TMEM181: variants seen among roughly 807,000 people sequenced by gnomAD.
TMEM181 encodes the protein transmembrane protein 181.
A neutral mutation model predicts 71.9 loss-of-function variants in TMEM181; 39 were observed. The observed-to-expected ratio is 0.54, with a 90% CI of 0.42 to 0.71. The LOEUF (loss-of-function observed/expected upper bound fraction) is 0.71. Among genes scored for constraint, TMEM181 ranks in the 30% least tolerant of loss-of-function variants. The pLI, the probability that TMEM181 is intolerant of heterozygous loss-of-function variation, is 0.00. For synonymous variants in TMEM181, 245 were observed against 228.8 expected, an observed-to-expected ratio of 1.07 and a Z score of -0.64; for missense variants, 595 against 583.0, an observed-to-expected ratio of 1.02 and a Z score of -0.21.
At chr6:158,595,845 G>C in intron 6 of TMEM181, among the ~76,000 whole-genome samples, 1 of 152,154 alleles carries the variant, frequency 6.6e-6, no homozygotes, top group Non-Finnish European at 1.5e-5. Context: ...GTCTTGGTCA[G>C]GTACTGTTTA....
At chr6:158,582,548 C>T (rs995478862) in intron 3 of TMEM181, among the ~76,000 whole-genome samples, 1 of 151,950 alleles carries the variant, frequency 6.6e-6, no homozygotes, top group African/African-American at 2.4e-5. Flanking sequence ...ACCTGTAGTC[C>T]CAGCTACTTG....
At chr6:158,582,735 G>C (rs1288036234) in intron 3 of TMEM181, among the ~76,000 whole-genome samples, 1 of 151,986 alleles carries the variant, frequency 6.6e-6, no homozygotes, top group Admixed American at 6.6e-5. Context: ...CTTTTCTTTG[G>C]AACCATGGGT....
At chr6:158,574,227 G>A (rs186734951) in intron 2 of TMEM181, among the ~76,000 whole-genome samples, 340 of 152,300 alleles carry the variant, frequency 2.2e-3, no homozygotes, top group African/African-American at 7.8e-3. Context: ...ATGGCAGTTA[G>A]GCTTAACCTG....
intron 13 of TMEM181, among the ~76,000 whole-genome samples, chr6:158,627,503 T>C (rs927080273): frequency 6.6e-6 from 1 of 152,176 alleles, no homozygotes; most frequent in Non-Finnish European, 1.5e-5. Context: ...GGGTCCACTT[T>C]AGATGAGTGG....
At chr6:158,594,030 C>G (rs545522457) in intron 6 of TMEM181, among the ~76,000 whole-genome samples, 10 of 151,872 alleles carry the variant, frequency 6.6e-5, no homozygotes, top group African/African-American at 2.2e-4. Context: ...TGTGCTTCAC[C>G]TGTTCATCCC....
At chr6:158,585,573 C>T in intron 5 of TMEM181, 148 bp downstream of exon 5, 2 of 1,062,870 alleles carry the variant, frequency 1.9e-6, no homozygotes, top group Non-Finnish European at 2.5e-6. Context: ...CCAAAGATGG[C>T]ATGAAAAAAC....
intron 10 of TMEM181, among the ~76,000 whole-genome samples, chr6:158,613,000 A>G (rs139759557): frequency 6.6e-6 from 1 of 152,334 alleles, no homozygotes; most frequent in East Asian, 1.9e-4. Flanking sequence ...GAGTCAGATG[A>G]GTAATTGTCA....
At chr6:158,573,330 C>A in intron 1 of TMEM181, 90 bp from the exon 2 acceptor site, 1 of 888,736 alleles carries the variant, frequency 1.1e-6, no homozygotes, top group South Asian at 1.6e-5. Flanking sequence ...TGGGCAGTGT[C>A]GTGTGGGGAG....
rs900163981 is a variant in TMEM181 at position 158,634,774 on chromosome 6, G to A, written c.*2886G>A. On this transcript the variant is annotated 3_prime_UTR_variant, in exon 17 of 17. Coordinates refer to ENST00000684151, the MANE Select transcript of TMEM181 (RefSeq NM_001376852.1). The stretch of plus-strand genomic sequence containing the variant: ...GTAAACCCAACCCACTAAATGAGCA[G>A]GTTACAAGACAAATGTCACCAGCCT... 1.3e-5 allele frequency: 2 copies of A among 151,878 alleles called. No homozygotes were observed. The highest frequency in any genetic ancestry group is 4.8e-5 in the African/African-American group (2 of 41,358). The allele number at this position is 151,878 out of a possible 1,614,324, so 9.4% of individuals were successfully genotyped here.
chr6:158,602,616 CTTTT>C (rs35954544), intron 6 of TMEM181, among the ~76,000 whole-genome samples: 1 of 148,416 alleles, frequency 6.7e-6, no homozygotes, highest in Non-Finnish European at 1.5e-5. Flanking sequence ...AATTTATGTA[CTTTT>C]TTTTTTTTGA....
chr6:158,627,818 T>C (rs1279396074), intron 13 of TMEM181, among the ~76,000 whole-genome samples: 4 of 152,124 alleles, frequency 2.6e-5, no homozygotes, highest in Non-Finnish European at 5.9e-5. Context: ...GCCTTCTGGC[T>C]GAGGGTGGCA....
At chr6:158,577,191 A>G (rs968580961) in intron 2 of TMEM181, among the ~76,000 whole-genome samples, 8 of 152,226 alleles carry the variant, frequency 5.3e-5, no homozygotes, top group African/African-American at 1.7e-4. Flanking sequence ...GAGACTTTAA[A>G]ACAGCTGTCT....
chr6:158,575,535 C>T (rs1783108545), intron 2 of TMEM181, among the ~76,000 whole-genome samples: 1 of 152,140 alleles, frequency 6.6e-6, no homozygotes, highest in Non-Finnish European at 1.5e-5. Flanking sequence ...CCAGGCTGGT[C>T]TCGAACTCCT....
At chr6:158,547,782 G>GTCTTGCCTCCCGACCTGA (rs1177789089) in intron 1 of TMEM181, among the ~76,000 whole-genome samples, 2 of 150,720 alleles carry the variant, frequency 1.3e-5, no homozygotes, top group African/African-American at 4.9e-5. Context: ...CTGGTCCCTG[G>GTCTTGCCTCCCGACCTGA]CCTTGCCTCC....
At chr6:158,616,499 G>T (rs1039045229) in intron 10 of TMEM181, among the ~76,000 whole-genome samples, 3 of 151,998 alleles carry the variant, frequency 2.0e-5, no homozygotes, top group Non-Finnish European at 2.9e-5. Context: ...CTGACTGCCC[G>T]GGCCAGAACT....
In TMEM181 at chr6:158,571,375, C is replaced by CGTGATCTGCCCGCCTTGGCCTT. The variant is rs1207628584; in HGVS notation, c.9-2023_9-2002dup. ...CCTCCCAAAGTGCTGGGATTATAGG[C>CGTGATCTGCCCGCCTTGGCCTT]GTGATCTGCCCGCCTTGGCCTTGTG... is the stretch of plus-strand genomic sequence containing the variant. On this transcript the variant is annotated intron_variant, in intron 1 of 16. Coordinates refer to ENST00000684151, the MANE Select transcript of TMEM181 (RefSeq NM_001376852.1). Among the ~76,000 whole-genome samples the CGTGATCTGCCCGCCTTGGCCTT allele has an allele frequency of 1.6e-3, 214 of 131,074 alleles. 10 individuals carry two copies. The highest frequency in any genetic ancestry group is 5.9e-3 in the African/African-American group (197 of 33,430). The allele number at this position is 131,074 out of a possible 152,430, so 86.0% of individuals were successfully genotyped here.
intron 1 of TMEM181, among the ~76,000 whole-genome samples, chr6:158,540,440 G>A (rs1016735140): frequency 2.6e-5 from 4 of 152,344 alleles, no homozygotes; most frequent in African/African-American, 9.6e-5. Flanking sequence ...AGCACAGGTT[G>A]TAATACTCCT....
intron 1 of TMEM181, among the ~76,000 whole-genome samples, chr6:158,566,731 C>T (rs931734051): frequency 4.3e-4 from 64 of 148,646 alleles, no homozygotes; most frequent in African/African-American, 1.5e-3. Context: ...GGAAGTGATA[C>T]GGTGAGGGAG....
At chr6:158,546,307 C>T (rs1374630068) in intron 1 of TMEM181, among the ~76,000 whole-genome samples, 1 of 152,204 alleles carries the variant, frequency 6.6e-6, no homozygotes, top group Non-Finnish European at 1.5e-5. Flanking sequence ...TGCTGTAGTT[C>T]TCATCATTGG....
Sources: allele counts gnomAD v4.1 joint callset (sites outside exome capture counted in the v4.1 genomes callset), GRCh38; gene constraint gnomAD v4.1.1; transcripts MANE v1.5; gene names NCBI Gene and HGNC (gene_info 2026-07-23, HGNC 2026-07-21).